The following LYRM7 variants were observed in gnomAD, a reference collection of about 807,000 sequenced individuals.
LYRM7 encodes the protein LYR motif containing 7.
Under a neutral mutation model 15.8 loss-of-function variants are expected in LYRM7, and 9 were observed. That is an observed-to-expected ratio of 0.57 (90% CI 0.34 to 0.99). LYRM7 has a LOEUF of 0.99. Ranked by LOEUF, LYRM7 falls within the 50% of genes least tolerant of loss-of-function variation. The pLI, the probability that LYRM7 is intolerant of heterozygous loss-of-function variation, is 0.02. For missense variants in LYRM7, 115 were observed against 119.1 expected, an observed-to-expected ratio of 0.97 and a Z score of 0.16; for synonymous variants, 39 against 39.4, an observed-to-expected ratio of 0.99 and a Z score of 0.04.
intron 3 of LYRM7, among the ~76,000 whole-genome samples, chr5:131,184,640 C>CCGG (rs1554090137): frequency 7.8e-6 from 1 of 127,434 alleles, no homozygotes; most frequent in South Asian, 2.4e-4. Context: ...TTTTTTTTGG[C>CCGG]GGGGGGGGGG....
At position 131,181,428 on chromosome 5, in the gene LYRM7, T is replaced by A. The variant is rs1394462306; in HGVS notation, c.92-801T>A. On this transcript the variant is annotated intron_variant, in intron 2 of 4. Transcript: ENST00000379380. Reference sequence around the variant, plus strand: ...ATACATATATATGTTTATATATATATAACATATATATGTATATATATATAA... The same window carrying A: ...ATACATATATATGTTTATATATATAAAACATATATATGTATATATATATAA... Among the ~76,000 whole-genome samples the A allele has an allele frequency of 2.8e-3, 309 of 111,400 alleles. 9 individuals are homozygous for A. Among genetic ancestry groups the A allele is most frequent in the African/African-American group, 0.013 (260 of 19,562 alleles). The allele number at this position is 111,400 out of a possible 152,430, so 73.1% of individuals were successfully genotyped here. A position where few individuals can be genotyped will look rare whatever the true frequency, so the allele number is the denominator to read the frequency against.
chr5:131,201,195 T>C lies in LYRM7; in HGVS notation c.*1594T>C, dbSNP rs1208924320. 6 of 151,364 alleles carry C rather than the reference T, an allele frequency of 4.0e-5. No individual in the cohort carries two copies. In the Admixed American group the frequency reaches 4.0e-4, roughly 10 times the overall value. The allele number at this position is 151,364 out of a possible 1,614,324, so 9.4% of individuals were successfully genotyped here. On this transcript the variant is annotated 3_prime_UTR_variant, in exon 5 of 5. Coordinates refer to ENST00000379380, the MANE Select transcript of LYRM7 (RefSeq NM_181705.4). Reference sequence around the variant, plus strand: ...CAGGTATGGTGGCGGGCGCCTGTAGTCCCAGCTACTCGGGAGGCTGAGGCA... The same window carrying C: ...CAGGTATGGTGGCGGGCGCCTGTAGCCCCAGCTACTCGGGAGGCTGAGGCA...
intron 1 of LYRM7, among the ~76,000 whole-genome samples, chr5:131,179,828 CG>C (rs1185172722): frequency 6.6e-6 from 1 of 151,840 alleles, no homozygotes; most frequent in African/African-American, 2.4e-5. Flanking sequence ...CCCAGCTACT[CG>C]GGAGGCTGAG....
At chr5:131,175,105 C>G (rs951309706) in intron 1 of LYRM7, among the ~76,000 whole-genome samples, 3 of 151,190 alleles carry the variant, frequency 2.0e-5, no homozygotes, top group Non-Finnish European at 4.4e-5. Context: ...TTGTAGAGCA[C>G]AGGTAGAGTA....
intron 3 of LYRM7, among the ~76,000 whole-genome samples, chr5:131,184,647 G>GC (rs1554090163): frequency 6.9e-6 from 1 of 145,116 alleles, no homozygotes; most frequent in African/African-American, 2.8e-5. Flanking sequence ...TGGCGGGGGG[G>GC]GGGTTCCAGG....
At chr5:131,184,642 G>GGGT (rs1755765626) in intron 3 of LYRM7, among the ~76,000 whole-genome samples, 1 of 142,254 alleles carries the variant, frequency 7.0e-6, no homozygotes, top group Non-Finnish European at 1.5e-5. Context: ...TTTTTTGGCG[G>GGGT]GGGGGGGGTT....
intron 1 of LYRM7, among the ~76,000 whole-genome samples, chr5:131,173,682 G>A (rs2149658665): frequency 6.6e-6 from 1 of 152,356 alleles, no homozygotes; most frequent in East Asian, 1.9e-4. Flanking sequence ...CCAGGAGGCA[G>A]AGGCTGCAGT....
rs1446249837 is a variant in LYRM7 at position 131,203,931 on chromosome 5, GTC to G, written c.*4334_*4335del. On this transcript the variant is annotated 3_prime_UTR_variant, in exon 5 of 5. Coordinates refer to ENST00000379380, the MANE Select transcript of LYRM7 (RefSeq NM_181705.4). ...AAATTCACAAAAGAAGAAATACTAAGTCTCTAGTGATGAGAGAAATGTAAATT... is the reference window on the plus strand; with the variant it reads ...AAATTCACAAAAGAAGAAATACTAAGTCTAGTGATGAGAGAAATGTAAATT... The G allele has an allele frequency of 4.6e-5, 7 of 152,200 alleles. No homozygotes were observed. The highest frequency in any genetic ancestry group is 7.4e-5 in the Non-Finnish European group (5 of 68,020). 9.4% of individuals were successfully genotyped at this position (152,200 alleles called of 1,614,324 possible).
In LYRM7 at chr5:131,197,541, C is replaced by CTTTT. The variant is rs60003952; in HGVS notation, c.245-1971_245-1968dup. ...AATTTGTTTTAGTGTTGTCTTCTGT[C>CTTTT]TTTTTTTTTTTTTTTTTTTTTTGAG... On this transcript the variant is annotated intron_variant, in intron 4 of 4. Transcript: ENST00000379380. 2.1e-3 allele frequency among the ~76,000 whole-genome samples: 187 copies of CTTTT among 90,692 alleles called. 4 individuals are homozygous for CTTTT. The highest frequency in any genetic ancestry group is 4.2e-3 in the East Asian group (11 of 2,614). 59.5% of individuals were successfully genotyped at this position (90,692 alleles called of 152,430 possible). A position where few individuals can be genotyped will look rare whatever the true frequency, so the allele number is the denominator to read the frequency against.
intron 1 of LYRM7, among the ~76,000 whole-genome samples, chr5:131,178,380 C>T (rs532550956): frequency 3.9e-5 from 6 of 152,122 alleles, no homozygotes; most frequent in East Asian, 1.9e-4. Context: ...AAAGTTTCCA[C>T]GACAAGAGTA....
In LYRM7 at chr5:131,204,580, TGAC is replaced by T. The variant is rs1756141001; in HGVS notation, c.*4980_*4982del. On this transcript the variant is annotated 3_prime_UTR_variant, in exon 5 of 5. Transcript: ENST00000379380. ...TCCAAAACTTTCTGACCCACCAACA[TGAC>T]TGATGCTCAAAGGAAATGGCCACTG... The T allele has an allele frequency of 6.7e-6, 1 of 150,054 alleles. No homozygotes were observed. The highest frequency in any genetic ancestry group is 6.7e-5 in the Admixed American group (1 of 14,880). The allele number at this position is 150,054 out of a possible 1,614,324, so 9.3% of individuals were successfully genotyped here. A position where few individuals can be genotyped will look rare whatever the true frequency, so the allele number is the denominator to read the frequency against.
At chr5:131,179,944 AT>A (rs1447739115) in intron 1 of LYRM7, 150 bp from the exon 2 acceptor site, 1,116 of 450,460 alleles carry the variant, frequency 2.5e-3, no homozygotes, top group East Asian at 3.8e-3. Context: ...TCAAAAAAAA[AT>A]TTTTTTTTTG....
chr5:131,182,227 A>T lies in LYRM7; in HGVS notation c.92-2A>T. 7.0e-7 allele frequency: 1 copy of T among 1,423,676 alleles called. No homozygotes were observed. The highest frequency in any genetic ancestry group is 9.5e-7 in the Non-Finnish European group (1 of 1,049,664). 88.2% of individuals were successfully genotyped at this position (1,423,676 alleles called of 1,614,324 possible). On this transcript the variant is annotated splice_acceptor_variant, in intron 2 of 4. Transcript: ENST00000379380. LOFTEE classifies it high-confidence loss of function. ...TAACTATATGTATTTTTCTCTTTGT[A>T]GCAGCCAGAATAAAGATAAATGAAG...
intron 4 of LYRM7, among the ~76,000 whole-genome samples, chr5:131,194,069 G>A (rs775141038): frequency 4.2e-4 from 64 of 152,130 alleles, no homozygotes; most frequent in Non-Finnish European, 7.2e-4. Flanking sequence ...TAGATAAGGC[G>A]TTTCAGGGGC....
chr5:131,171,208 TTG>T lies in LYRM7; in HGVS notation c.18+173_18+174del, dbSNP rs33949871. ...CCAACTCCTAGGGGCAGTTGAGGGT[TTG>T]TGCACGTGCGGAGGAGAGCGGGAGG... On this transcript the variant is annotated intron_variant, in intron 1 of 4. Coordinates refer to ENST00000379380, the MANE Select transcript of LYRM7 (RefSeq NM_181705.4). Among the ~76,000 whole-genome samples the T allele has an allele frequency of 0.18, 27,334 of 151,846 alleles. 6,231 individuals carry two copies. The highest frequency in any genetic ancestry group is 0.54 in the African/African-American group (22,168 of 41,268).
In LYRM7 at chr5:131,204,066, A is replaced by G. The variant is rs1201935849; in HGVS notation, c.*4465A>G. 1 of 151,762 alleles carries G rather than the reference A, an allele frequency of 6.6e-6. No individual in the cohort carries two copies. Among genetic ancestry groups the G allele is most frequent in the Non-Finnish European group, 1.5e-5 (1 of 67,936 alleles). The allele number at this position is 151,762 out of a possible 1,614,324, so 9.4% of individuals were successfully genotyped here. A position where few individuals can be genotyped will look rare whatever the true frequency, so the allele number is the denominator to read the frequency against. The stretch of plus-strand genomic sequence containing the variant: ...AAATAGCCACTGTCATATCATTTTT[A>G]AAGGAATATAAATTATAGGGCCTTT... On this transcript the variant is annotated 3_prime_UTR_variant, in exon 5 of 5. Coordinates refer to ENST00000379380, the MANE Select transcript of LYRM7 (RefSeq NM_181705.4).
In LYRM7 at chr5:131,202,800, T is replaced by C. The variant is rs1308430725; in HGVS notation, c.*3199T>C. The C allele has an allele frequency of 2.0e-5, 3 of 152,360 alleles. No individual in the cohort carries two copies. The highest frequency in any genetic ancestry group is 2.9e-5 in the Non-Finnish European group (2 of 68,034). The allele number at this position is 152,360 out of a possible 1,614,324, so 9.4% of individuals were successfully genotyped here. On this transcript the variant is annotated 3_prime_UTR_variant, in exon 5 of 5. Coordinates refer to ENST00000379380, the MANE Select transcript of LYRM7 (RefSeq NM_181705.4). ...TGAAAGTGGGGTATATGAATTCTAA[T>C]TGCAAATATCCAGGCTCAGAGGCCC...
At chr5:131,183,960 GT>G (rs1398596448) in intron 3 of LYRM7, among the ~76,000 whole-genome samples, 4 of 151,778 alleles carry the variant, frequency 2.6e-5, no homozygotes, top group African/African-American at 7.3e-5. Context: ...TGGTTTTTTT[GT>G]TTTTGTTTTG....
chr5:131,178,615 A>G (rs1755635991), intron 1 of LYRM7, among the ~76,000 whole-genome samples: 1 of 152,182 alleles, frequency 6.6e-6, no homozygotes, highest in African/African-American at 2.4e-5. Flanking sequence ...ATTTTTTTCA[A>G]TACAGACTCA....
Sources: gnomAD v4.1 joint callset for allele counts (sites outside exome capture counted in the v4.1 genomes callset) on GRCh38, gnomAD v4.1.1 for gene constraint, MANE v1.5 for transcripts, NCBI Gene and HGNC (gene_info 2026-07-23, HGNC 2026-07-21) for gene names.